Variants in SOX5 observed in about 807,000 individuals in gnomAD.
SOX5 encodes the protein SRY-box transcription factor 5, also known as transcription factor SOX-5.
In SOX5, 9 loss-of-function variants were observed where a neutral mutation model predicts 92.0. The observed-to-expected ratio is 0.10, with a 90% confidence interval of 0.06 to 0.17. SOX5 has a LOEUF of 0.17. Among genes scored for constraint, SOX5 ranks in the 10% least tolerant of loss-of-function variants. The pLI, the probability that SOX5 is intolerant of heterozygous loss-of-function variation, is 1.00. For missense variants in SOX5, 642 were observed against 944.5 expected (o/e 0.68, Z 4.20); for synonymous variants, 344 against 336.3 (o/e 1.02, Z -0.25).
At chr12:23,642,203 T>G (rs1280170699) in intron 7 of SOX5, among the ~76,000 whole-genome samples, 3 of 152,298 alleles carry the variant, frequency 2.0e-5, no homozygotes, top group Non-Finnish European at 1.5e-5. Context: ...ATAAAATTTT[T>G]GCATTTTTAT....
chr12:23,784,950 C>T (rs4414320), intron 3 of SOX5, among the ~76,000 whole-genome samples: 47,074 of 151,908 alleles, frequency 0.31, 7,673 homozygotes, highest in East Asian at 0.6. Flanking sequence ...AGTGTGATGG[C>T]ACATGCATGT....
intron 3 of SOX5, among the ~76,000 whole-genome samples, chr12:23,793,243 A>T (rs1567806605): frequency 6.6e-6 from 1 of 152,200 alleles, no homozygotes; most frequent in African/African-American, 2.4e-5. Context: ...TTTTAAAGTA[A>T]AAAAATTGGT....
rs1938579531 is a variant in SOX5, at chr12:23,529,797, TA to T, written c.*4421del. On this transcript the variant is annotated 3_prime_UTR_variant, in exon 15 of 15. Transcript: ENST00000451604. ...TTTACATAATTACTTATTATTTTATTAAATTTCAAGTGAGATGGTAGGTTGC... is the reference window on the plus strand; with the variant it reads ...TTTACATAATTACTTATTATTTTATTAATTTCAAGTGAGATGGTAGGTTGC... The T allele has an allele frequency of 6.6e-6, 1 of 152,210 alleles. No homozygotes were observed. Among genetic ancestry groups the T allele is most frequent in the African/African-American group, 2.4e-5 (1 of 41,460 alleles). The allele number at this position is 152,210 out of a possible 1,614,324, so 9.4% of individuals were successfully genotyped here.
intron 12 of SOX5, 66 bp from the exon 13 acceptor site, chr12:23,543,450 C>G: frequency 7.9e-7 from 1 of 1,266,044 alleles, no homozygotes; most frequent in South Asian, 1.3e-5. Context: ...CCTTGCATTC[C>G]TATTTTTCAG....
At chr12:24,350,795 G>A (rs1346575952) in intron 2 of SOX5, among the ~76,000 whole-genome samples, 1 of 152,164 alleles carries the variant, frequency 6.6e-6, no homozygotes, top group Non-Finnish European at 1.5e-5. Flanking sequence ...GTTCATGCCT[G>A]TAGTCCTAGC....
At chr12:23,680,752 C>T (rs1334673537) in intron 6 of SOX5, among the ~76,000 whole-genome samples, 2 of 151,966 alleles carry the variant, frequency 1.3e-5, no homozygotes, top group Non-Finnish European at 2.9e-5. Flanking sequence ...ACCTTAAAAG[C>T]AGTCAGCTAG....
At chr12:23,709,017 C>A (rs1028643231) in intron 6 of SOX5, among the ~76,000 whole-genome samples, 1 of 152,124 alleles carries the variant, frequency 6.6e-6, no homozygotes, top group African/African-American at 2.4e-5. Flanking sequence ...GACTAAGAAT[C>A]ATTTCCTCAC....
chr12:24,485,203 T>A (rs1382193577), intron 1 of SOX5, among the ~76,000 whole-genome samples: 1 of 152,140 alleles, frequency 6.6e-6, no homozygotes, highest in South Asian at 2.1e-4. Context: ...GAATACCGCA[T>A]CCCAACAAAT....
intron 8 of SOX5, among the ~76,000 whole-genome samples, chr12:23,622,997 T>C (rs1054060939): frequency 1.3e-5 from 2 of 152,124 alleles, no homozygotes; most frequent in African/African-American, 4.8e-5. Context: ...AGGAAATGCA[T>C]ACTTTGGATT....
intron 1 of SOX5, among the ~76,000 whole-genome samples, chr12:23,916,569 A>G (rs2097419869): frequency 6.6e-6 from 1 of 152,224 alleles, no homozygotes; most frequent in Admixed American, 6.5e-5. Context: ...GTAAACCCTC[A>G]TTCATATTTT....
intron 4 of SOX5, among the ~76,000 whole-genome samples, chr12:23,958,068 G>A (rs1946480133): frequency 6.6e-6 from 1 of 151,844 alleles, no homozygotes; most frequent in South Asian, 2.1e-4. Flanking sequence ...GTGTAGACTA[G>A]AAAACTATAA....
At chr12:24,154,835 TTAA>T (rs1003274899) in intron 4 of SOX5, among the ~76,000 whole-genome samples, 4 of 152,104 alleles carry the variant, frequency 2.6e-5, no homozygotes, top group South Asian at 2.1e-4. Context: ...ACTGATAGAA[TTAA>T]TAATAATTAT....
chr12:23,542,011 G>A (rs1176333912), intron 13 of SOX5, among the ~76,000 whole-genome samples: 4 of 152,172 alleles, frequency 2.6e-5, no homozygotes, highest in African/African-American at 9.7e-5. Context: ...TCAGGAGGCT[G>A]AGGCAGAAGA....
intron 1 of SOX5, among the ~76,000 whole-genome samples, chr12:23,899,669 A>G (rs2097212428): frequency 6.6e-6 from 1 of 152,230 alleles, no homozygotes; most frequent in Non-Finnish European, 1.5e-5. Flanking sequence ...ATGATGACGT[A>G]ACACTGGTCT....
intron 4 of SOX5, among the ~76,000 whole-genome samples, chr12:24,005,629 T>C (rs1164049104): frequency 1.3e-5 from 2 of 152,180 alleles, no homozygotes; most frequent in African/African-American, 2.4e-5. Context: ...TCGTCCCCTT[T>C]AGTTTATATG....
At chr12:24,490,593 A>G in intron 1 of SOX5, among the ~76,000 whole-genome samples, 1 of 152,152 alleles carries the variant, frequency 6.6e-6, no homozygotes, top group East Asian at 1.9e-4. Flanking sequence ...ATTCAGGAAA[A>G]AAAAAATGGT....
intron 8 of SOX5, among the ~76,000 whole-genome samples, chr12:23,610,202 T>A (rs904372454): frequency 1.3e-5 from 2 of 152,166 alleles, no homozygotes; most frequent in East Asian, 3.8e-4. Flanking sequence ...GTAGAGAAAT[T>A]CTACAATCAG....
rs552962615 is a variant in SOX5, at chr12:24,283,180, C to A, written c.-173-5868G>T. Among the ~76,000 whole-genome samples the A allele has an allele frequency of 2.1e-4, 32 of 152,296 alleles. No individual in the cohort carries two copies. In the South Asian group the frequency reaches 2.5e-3, roughly 12 times the overall value. ...GTTTTACTATTCCTCAAAGGATTAACAAGATTTACCCACAATGTTGTAAAA... is the reference window on the plus strand; with the variant it reads ...GTTTTACTATTCCTCAAAGGATTAAAAAGATTTACCCACAATGTTGTAAAA... On this transcript the variant is annotated intron_variant, in intron 2 of 4. Coordinates refer to the SOX5 transcript ENST00000446891.
intron 1 of SOX5, among the ~76,000 whole-genome samples, chr12:24,498,668 A>G (rs1354114794): frequency 2.0e-5 from 3 of 152,074 alleles, no homozygotes; most frequent in Non-Finnish European, 2.9e-5. Flanking sequence ...ATAATCCACT[A>G]CTCTAAAAGG....
Sources: gnomAD v4.1 joint callset for allele counts (sites outside exome capture counted in the v4.1 genomes callset) on GRCh38, gnomAD v4.1.1 for gene constraint, MANE v1.5 for transcripts, NCBI Gene and HGNC (gene_info 2026-07-23, HGNC 2026-07-21) for gene names.